The following PTPRN2 variants were observed in gnomAD, a reference collection of about 807,000 sequenced individuals.
The protein encoded by PTPRN2 is protein tyrosine phosphatase receptor type N2, also known as receptor-type tyrosine-protein phosphatase N2.
A neutral mutation model predicts 118.8 loss-of-function variants in PTPRN2; 74 were observed. The ratio of observed to expected loss-of-function variants is 0.62; its 90% CI spans 0.52 to 0.76. The LOEUF (loss-of-function observed/expected upper bound fraction) is 0.76, where lower values mean the gene tolerates loss of function less well. Among genes scored for constraint, PTPRN2 ranks in the 30% least tolerant of loss-of-function variants. The pLI is 0.00. For synonymous variants in PTPRN2, 641 were observed against 608.0 expected (o/e 1.05, Z -0.80); for missense variants, 1,481 against 1,394.4 (o/e 1.06, Z -0.99).
chr7:157,562,926 C>T lies in PTPRN2; in HGVS notation c.2902+5976G>A, dbSNP rs1671809772. Among the ~76,000 whole-genome samples, 2 of 129,832 alleles carry T rather than the reference C, an allele frequency of 1.5e-5. 1 individual carries two copies. Among genetic ancestry groups the T allele is most frequent in the South Asian group, 5.6e-4 (2 of 3,580 alleles). The allele number at this position is 129,832 out of a possible 152,430, so 85.2% of individuals were successfully genotyped here. A position where few individuals can be genotyped will look rare whatever the true frequency, so the allele number is the denominator to read the frequency against. Reference sequence around the variant, plus strand: ...CATCACCACACACCACAGATCAGGACCACGTGCTCCCACATCACCACACAG... The same window carrying T: ...CATCACCACACACCACAGATCAGGATCACGTGCTCCCACATCACCACACAG... On this transcript the variant is annotated intron_variant, in intron 21 of 22. Transcript: ENST00000389418.
chr7:157,885,684 T>C lies in PTPRN2; in HGVS notation c.1788+12989A>G, dbSNP rs137961782. On this transcript the variant is annotated intron_variant, in intron 12 of 22. Transcript: ENST00000389418. ...GTAAAAGTTTCATATTCATGGAGTA[T>C]ACCAGGTGCGAATGTGCTATAGATG... Among the ~76,000 whole-genome samples the C allele has an allele frequency of 6.9e-4, 105 of 152,364 alleles. No homozygotes were observed. In the South Asian group the frequency reaches 0.019, roughly 28 times the overall value.
rs1804193416 is a variant in PTPRN2 at position 157,990,789 on chromosome 7, AG to A, written c.1723+90508del. On this transcript the variant is annotated intron_variant, in intron 11 of 22. Coordinates refer to ENST00000389418, the MANE Select transcript of PTPRN2 (RefSeq NM_002847.5). The surrounding 1 kb of genome is among the most constrained non-coding windows in gnomAD (Gnocchi z 4.3). ...CCGAGCTTCCCTCCGATACAGTGGG[AG>A]GGAGGACTTGGCGCACAGTGGGTGA... Among the ~76,000 whole-genome samples, 2 of 151,900 alleles carry A rather than the reference AG, an allele frequency of 1.3e-5. No individual in the cohort carries two copies. Among genetic ancestry groups the A allele is most frequent in the African/African-American group, 4.8e-5 (2 of 41,334 alleles).
intron 2 of PTPRN2, among the ~76,000 whole-genome samples, chr7:158,473,774 A>G (rs74303868): frequency 6.9e-5 from 1 of 14,414 alleles, no homozygotes. Flanking sequence ...GATTGGGGGG[A>G]AAAAAACATT....
At position 158,117,431 on chromosome 7, in the gene PTPRN2, A is replaced by G. The variant is rs149237241; in HGVS notation, c.1557-6516T>C. On this transcript the variant is annotated intron_variant, in intron 9 of 22. Coordinates refer to ENST00000389418, the MANE Select transcript of PTPRN2 (RefSeq NM_002847.5). ...CCTAAGGGACATGTGGGATACCACT[A>G]AGAGAACCAGTATATGAATTGTGAG... Among the ~76,000 whole-genome samples the G allele has an allele frequency of 5.1e-3, 773 of 152,304 alleles. 3 individuals are homozygous for G. Among genetic ancestry groups the G allele is most frequent in the African/African-American group, 0.018 (745 of 41,582 alleles).
chr7:158,508,632 C>T (rs548392306), intron 1 of PTPRN2, among the ~76,000 whole-genome samples: 5 of 147,964 alleles, frequency 3.4e-5, no homozygotes, highest in African/African-American at 1.3e-4. Flanking sequence ...GGAGCAGGTG[C>T]GGAAGTGGCT....
rs1820665915 is a variant in PTPRN2, at chr7:158,149,363, A to G, written c.911-10848T>C. Among the ~76,000 whole-genome samples the G allele has an allele frequency of 2.0e-5, 3 of 152,306 alleles. No homozygotes were observed. The South Asian group carries it at 6.2e-4, about 32-fold the overall frequency. ...GAAATTAACAACTACATTGACATAA[A>G]CTTAAATCTAACCAGTGTCTTTTCA... On this transcript the variant is annotated intron_variant, in intron 6 of 22. Transcript: ENST00000389418.
At chr7:158,505,484 C>T (rs954381244) in intron 1 of PTPRN2, among the ~76,000 whole-genome samples, 2 of 152,202 alleles carry the variant, frequency 1.3e-5, no homozygotes, top group African/African-American at 4.8e-5. Flanking sequence ...TCCAAGTCCC[C>T]CGTTCACTAC....
chr7:158,009,926 C>A (rs1163287683), intron 11 of PTPRN2, among the ~76,000 whole-genome samples: 1 of 152,170 alleles, frequency 6.6e-6, no homozygotes, highest in Non-Finnish European at 1.5e-5. Context: ...TTCCCCATGC[C>A]ATCCTGCCCC....
At chr7:157,740,269 G>T (rs1203217598) in intron 12 of PTPRN2, 3 of 152,224 alleles carry the variant, frequency 2.0e-5, no homozygotes, top group African/African-American at 7.2e-5. Context: ...GGTTCCTGTA[G>T]GGCACAGAAC....
At chr7:158,577,494 G>C (rs1828398014) in intron 1 of PTPRN2, among the ~76,000 whole-genome samples, 1 of 146,234 alleles carries the variant, frequency 6.8e-6, no homozygotes, top group Non-Finnish European at 1.5e-5. Context: ...ACAACACTGA[G>C]GGCTCCCCAC....
At chr7:157,905,940 A>G (rs1797746586) in intron 11 of PTPRN2, among the ~76,000 whole-genome samples, 1 of 152,134 alleles carries the variant, frequency 6.6e-6, no homozygotes, top group African/African-American at 2.4e-5. Context: ...CCCCTAGGGT[A>G]AGACCTGCAT....
intron 12 of PTPRN2, among the ~76,000 whole-genome samples, chr7:157,827,756 GC>G (rs111675146): frequency 0.019 from 2,944 of 152,336 alleles, 74 homozygotes; most frequent in African/African-American, 0.064. Flanking sequence ...GACTCACCGT[GC>G]CGGGGTGGAT....
At chr7:158,271,183 G>C (rs918206559) in intron 3 of PTPRN2, among the ~76,000 whole-genome samples, 1 of 151,638 alleles carries the variant, frequency 6.6e-6, no homozygotes, top group Non-Finnish European at 1.5e-5. Flanking sequence ...GACTCTAGTG[G>C]GTGGCCAGGA....
At chr7:157,660,522 C>T (rs1167869249) in intron 13 of PTPRN2, among the ~76,000 whole-genome samples, 1 of 152,156 alleles carries the variant, frequency 6.6e-6, no homozygotes, top group Non-Finnish European at 1.5e-5. Flanking sequence ...GGTCTCTAAG[C>T]CTATTTTTTC....
intron 22 of PTPRN2, among the ~76,000 whole-genome samples, chr7:157,546,212 G>A (rs1251687192): frequency 2.0e-5 from 3 of 152,102 alleles, no homozygotes. Context: ...ACGGAGCTTC[G>A]GGTCACCAAG....
chr7:158,055,498 G>A (rs563296376), intron 11 of PTPRN2, among the ~76,000 whole-genome samples: 82 of 152,290 alleles, frequency 5.4e-4, no homozygotes, highest in Admixed American at 2.0e-3. Flanking sequence ...GCAGTTATCC[G>A]GAGGCCTAAC....
Position 158,555,516 on chromosome 7 carries a change from G to A in PTPRN2, c.112+32042C>T, listed in dbSNP as rs1414730738. ...GCTGCCATGTCCCATCCCAACACAG[G>A]GGCAGTCCTGCTGCCCTTTCGTTCT... On this transcript the variant is annotated intron_variant, in intron 1 of 22. Transcript: ENST00000389418. The surrounding 1 kb of genome is among the most constrained non-coding windows in gnomAD (Gnocchi z 4.7). Among the ~76,000 whole-genome samples, 3 of 152,142 alleles carry A rather than the reference G, an allele frequency of 2.0e-5. No individual in the cohort carries two copies. Among genetic ancestry groups the A allele is most frequent in the Non-Finnish European group, 4.4e-5 (3 of 68,028 alleles).
intron 2 of PTPRN2, among the ~76,000 whole-genome samples, chr7:158,317,438 G>A (rs1802426347): frequency 6.6e-6 from 1 of 152,258 alleles, no homozygotes; most frequent in South Asian, 2.1e-4. Flanking sequence ...CGGCGGCGCA[G>A]GAGAGGCGCG....
intron 17 of PTPRN2, among the ~76,000 whole-genome samples, chr7:157,586,753 T>TC (rs1221418315): frequency 1.3e-5 from 2 of 151,436 alleles, no homozygotes; most frequent in South Asian, 4.2e-4. Flanking sequence ...ATGCTCAGGG[T>TC]CCCCGCTGTT....
Sources: gnomAD v4.1 joint callset for allele counts (sites outside exome capture counted in the v4.1 genomes callset) on GRCh38, gnomAD v4.1.1 for gene constraint, Gnocchi (gnomAD v3.1) non-coding constraint, MANE v1.5 for transcripts, NCBI Gene and HGNC (gene_info 2026-07-23, HGNC 2026-07-21) for gene names.